The following PODXL variants were observed in gnomAD, a reference collection of about 807,000 sequenced individuals.
PODXL encodes podocalyxin like.
In PODXL, 20 loss-of-function variants were observed where a neutral mutation model predicts 48.9. That is an observed-to-expected ratio of 0.41 (90% CI 0.29 to 0.59). PODXL has a LOEUF of 0.59. PODXL is among the 20% of genes least tolerant of loss of function. The probability of loss-of-function intolerance (pLI) is 0.31; values close to 1 mark genes in which losing one functional copy is unlikely to be tolerated. For synonymous variants in PODXL, 295 were observed against 287.4 expected, an observed-to-expected ratio of 1.03 and a Z score of -0.27; for missense variants, 606 against 675.1, an observed-to-expected ratio of 0.90 and a Z score of 1.13.
At position 131,555,150 on chromosome 7, in the gene PODXL, G is replaced by A. The variant is rs561442099; in HGVS notation, c.100+1110C>T. On this transcript the variant is annotated intron_variant, in intron 1 of 8. Transcript: ENST00000378555. ...CCCTTCCATCTCCCCTGGCCCCTTA[G>A]AGTCCAGTCCCAAACTGCCGGCACC... is the stretch of plus-strand genomic sequence containing the variant. 2.2e-4 allele frequency among the ~76,000 whole-genome samples: 33 copies of A among 152,202 alleles called. No homozygotes were observed. In the East Asian group the frequency reaches 5.2e-3, roughly 24 times the overall value.
intron 1 of PODXL, among the ~76,000 whole-genome samples, chr7:131,516,371 T>C (rs1343162375): frequency 6.6e-6 from 1 of 152,158 alleles, no homozygotes; most frequent in East Asian, 1.9e-4. Context: ...AAACCCCGTC[T>C]CTACTAAAAA....
At chr7:131,524,379 C>CACACAG (rs746255906) in intron 1 of PODXL, among the ~76,000 whole-genome samples, 2 of 104,108 alleles carry the variant, frequency 1.9e-5, no homozygotes, top group East Asian at 2.7e-4. Context: ...CACACACACA[C>CACACAG]AGAGAGAGAG....
At chr7:131,552,106 G>A (rs1379184156) in intron 1 of PODXL, among the ~76,000 whole-genome samples, 1 of 152,202 alleles carries the variant, frequency 6.6e-6, no homozygotes, top group Non-Finnish European at 1.5e-5. Flanking sequence ...TCCCTTCCCA[G>A]GATGCAAACT....
Position 131,511,360 on chromosome 7 carries a change from T to C in PODXL, c.174A>G (p.Thr58=). 1 of 1,610,364 alleles carries C rather than the reference T, an allele frequency of 6.2e-7. No individual in the cohort carries two copies. The highest frequency in any genetic ancestry group is 8.5e-7 in the Non-Finnish European group (1 of 1,179,976). ...GGACTGTGCTCTGCTGGGCTGTATC[T>C]GTAGCCATGATGGTGACACTGGATG... ...TPASSVTIMA[T]DTAQQSTVPT... Residue 58 remains threonine (T), a synonymous_variant, in exon 2 of 9, where the codon ACA becomes ACG. Coordinates refer to ENST00000378555, the MANE Select transcript of PODXL (RefSeq NM_001018111.3).
At chr7:131,545,609 C>A (rs553740439) in intron 1 of PODXL, among the ~76,000 whole-genome samples, 1 of 152,194 alleles carries the variant, frequency 6.6e-6, no homozygotes, top group South Asian at 2.1e-4. Flanking sequence ...TCTCGATGTT[C>A]TACTAAATCT....
At chr7:131,506,523 G>A (rs1213286642) in intron 6 of PODXL, 56 bp downstream of exon 6, 1 of 1,574,398 alleles carries the variant, frequency 6.4e-7, no homozygotes, top group East Asian at 2.2e-5. Context: ...GCTTCTGCAT[G>A]CCCCCCATTC....
In PODXL at chr7:131,504,175, G is replaced by A. The variant is rs1584805277; in HGVS notation, c.*136C>T. The A allele has an allele frequency of 3.0e-6, 2 of 676,188 alleles. No homozygotes were observed. Among genetic ancestry groups the A allele is most frequent in the South Asian group, 3.7e-5 (2 of 54,642 alleles). The allele number at this position is 676,188 out of a possible 1,614,324, so 41.9% of individuals were successfully genotyped here. On this transcript the variant is annotated 3_prime_UTR_variant, in exon 9 of 9. Coordinates refer to ENST00000378555, the MANE Select transcript of PODXL (RefSeq NM_001018111.3). ...TCAGGTTGAAAAGGGAAAAATTAAG[G>A]CCCTGGGGGGATTGGGAGGGGACAC...
At chr7:131,506,839 C>T (rs780153396) in intron 5 of PODXL, 113 bp from the exon 6 acceptor site, 87 of 1,174,812 alleles carry the variant, frequency 7.4e-5, no homozygotes, top group Non-Finnish European at 9.9e-5. Context: ...CTAGAACCTG[C>T]CTCCCTCTCT....
chr7:131,507,885 C>T (rs939744085), intron 5 of PODXL, among the ~76,000 whole-genome samples: 10 of 152,102 alleles, frequency 6.6e-5, no homozygotes, highest in Admixed American at 3.3e-4. Flanking sequence ...TGGAAAATGC[C>T]GGCATAATGG....
intron 3 of PODXL, 53 bp from the exon 4 acceptor site, chr7:131,509,638 A>G: frequency 8.3e-7 from 1 of 1,206,176 alleles, no homozygotes; most frequent in Non-Finnish European, 1.2e-6. Context: ...CCCTTGCGAG[A>G]AGAGGACAAT....
chr7:131,527,492 G>A (rs1216324218), intron 1 of PODXL, among the ~76,000 whole-genome samples: 1 of 152,216 alleles, frequency 6.6e-6, no homozygotes, highest in African/African-American at 2.4e-5. Context: ...TTCTGCTTTA[G>A]ATTCACGTTT....
At chr7:131,532,458 A>G (rs1447857171) in intron 1 of PODXL, among the ~76,000 whole-genome samples, 1 of 149,612 alleles carries the variant, frequency 6.7e-6, no homozygotes, top group Non-Finnish European at 1.5e-5. Flanking sequence ...AAAATTAAAA[A>G]TAAATAATAA....
chr7:131,506,345 C>G, intron 6 of PODXL, 24 bp from the exon 7 acceptor site: 1 of 1,613,378 alleles, frequency 6.2e-7, no homozygotes, highest in Non-Finnish European at 8.5e-7. Context: ...AGACGATGCC[C>G]AATGGCCCAG....
At chr7:131,547,051 C>G (rs1338561923) in intron 1 of PODXL, among the ~76,000 whole-genome samples, 1 of 152,168 alleles carries the variant, frequency 6.6e-6, no homozygotes, top group African/African-American at 2.4e-5. Context: ...TTGACTCACA[C>G]TGGGCTAGGG....
intron 1 of PODXL, among the ~76,000 whole-genome samples, chr7:131,534,774 G>A (rs958938025): frequency 2.6e-5 from 4 of 152,198 alleles, no homozygotes; most frequent in Non-Finnish European, 5.9e-5. Flanking sequence ...ACATGGCCGG[G>A]TGTGGTGGCT....
chr7:131,507,668 G>GA (rs1562902919), intron 5 of PODXL, among the ~76,000 whole-genome samples: 104 of 114,440 alleles, frequency 9.1e-4, no homozygotes, highest in Admixed American at 4.7e-3. Flanking sequence ...TCTAGCAAAG[G>GA]GAAAAAAAAA....
chr7:131,543,799 C>CG (rs1378646974), intron 1 of PODXL, among the ~76,000 whole-genome samples: 2 of 152,132 alleles, frequency 1.3e-5, no homozygotes, highest in Non-Finnish European at 2.9e-5. Context: ...TGTGTCCATG[C>CG]CCCCCTTCAC....
At chr7:131,542,418 G>A (rs1272999825) in intron 1 of PODXL, among the ~76,000 whole-genome samples, 1 of 152,204 alleles carries the variant, frequency 6.6e-6, no homozygotes, top group African/African-American at 2.4e-5. Context: ...CACTTTGGGA[G>A]GCTGAGGCAT....
chr7:131,523,498 C>T (rs898150214), intron 1 of PODXL, among the ~76,000 whole-genome samples: 11 of 151,598 alleles, frequency 7.3e-5, no homozygotes, highest in African/African-American at 1.9e-4. Context: ...CTGGCTAACA[C>T]GGTGAAACCC....
Sources: allele counts gnomAD v4.1 joint callset (sites outside exome capture counted in the v4.1 genomes callset), GRCh38; gene constraint gnomAD v4.1.1; transcripts MANE v1.5; gene names NCBI Gene and HGNC (gene_info 2026-07-23, HGNC 2026-07-21).